Variants in GLIS3 observed in about 807,000 individuals in gnomAD.
GLIS3 encodes GLIS family zinc finger 3, also known as zinc finger protein GLIS3.
A neutral mutation model predicts 78.6 loss-of-function variants in GLIS3; 53 were observed. The ratio of observed to expected loss-of-function variants is 0.67; its 90% CI spans 0.54 to 0.85. The LOEUF (loss-of-function observed/expected upper bound fraction) is 0.85. Among genes scored for constraint, GLIS3 ranks in the 40% least tolerant of loss-of-function variants. The pLI, the probability that GLIS3 is intolerant of heterozygous loss-of-function variation, is 0.00. For missense variants in GLIS3, 1,703 were observed against 1,231.1 expected (o/e 1.38, Z -5.74); for synonymous variants, 684 against 509.9 (o/e 1.34, Z -4.60).
chr9:4,356,814 AG>A, the GLIS3 span, among the ~76,000 whole-genome samples: 3 of 152,228 alleles, frequency 2.0e-5, no homozygotes, highest in African/African-American at 7.2e-5. Context: ...TTGATTACAA[AG>A]CCTTTTGGAT....
intron 2 of GLIS3, among the ~76,000 whole-genome samples, chr9:4,133,054 AT>A (rs1020272644): frequency 2.6e-5 from 4 of 152,198 alleles, no homozygotes; most frequent in African/African-American, 9.7e-5. Flanking sequence ...CCTTGAAAAC[AT>A]TTTTAAAGCT....
intron 4 of GLIS3, among the ~76,000 whole-genome samples, chr9:3,991,512 G>A (rs1450257119): frequency 6.6e-6 from 1 of 151,994 alleles, no homozygotes; most frequent in Non-Finnish European, 1.5e-5. Context: ...AATTAAACAC[G>A]TCTCGGAGTC....
At chr9:4,223,831 G>A (rs1821532359) in intron 2 of GLIS3, among the ~76,000 whole-genome samples, 1 of 152,092 alleles carries the variant, frequency 6.6e-6, no homozygotes, top group African/African-American at 2.4e-5. Flanking sequence ...GAACATCCCA[G>A]GCAGTATAAT....
At chr9:4,397,408 A>T in the GLIS3 span, among the ~76,000 whole-genome samples, 1 of 151,606 alleles carries the variant, frequency 6.6e-6, no homozygotes, top group Non-Finnish European at 1.5e-5. Flanking sequence ...CCAACACATT[A>T]TTGTTCTTTG....
intron 4 of GLIS3, among the ~76,000 whole-genome samples, chr9:4,010,319 T>C (rs1219542973): frequency 6.6e-6 from 1 of 152,172 alleles, no homozygotes; most frequent in Non-Finnish European, 1.5e-5. Context: ...AGTTGCAATA[T>C]GGGAAGATGA....
intron 2 of GLIS3, among the ~76,000 whole-genome samples, chr9:4,333,900 C>T (rs955265681): frequency 6.6e-6 from 1 of 152,174 alleles, no homozygotes; most frequent in Non-Finnish European, 1.5e-5. Flanking sequence ...AACCACTTTG[C>T]ATTGGGAATT....
At chr9:4,197,962 G>T (rs1421818769) in intron 2 of GLIS3, among the ~76,000 whole-genome samples, 2 of 151,938 alleles carry the variant, frequency 1.3e-5, no homozygotes, top group Non-Finnish European at 2.9e-5. Context: ...GAGACAAAAA[G>T]AAAGAACAAA....
chr9:4,202,451 TA>T (rs745465949), intron 2 of GLIS3, among the ~76,000 whole-genome samples: 4 of 133,796 alleles, frequency 3.0e-5, no homozygotes, highest in African/African-American at 1.2e-4. Flanking sequence ...TAAAATAAAA[TA>T]AAAATAAAAA....
chr9:4,293,239 C>T (rs62541831), intron 1 of GLIS3, among the ~76,000 whole-genome samples: 28,628 of 152,156 alleles, frequency 0.19, 3,234 homozygotes, highest in Non-Finnish European at 0.26. Context: ...CAAACATCTA[C>T]CTATGGAAGA....
At chr9:4,300,458 G>C (rs534232941), upstream of GLIS3, among the ~76,000 whole-genome samples, 2 of 152,242 alleles carry the variant, frequency 1.3e-5, no homozygotes, top group South Asian at 4.1e-4. Context: ...GTGAAAAATG[G>C]CAAAAGGGTT....
upstream of GLIS3, among the ~76,000 whole-genome samples, chr9:4,303,166 C>A (rs4097543): frequency 0.99 from 149,887 of 152,124 alleles, 73,883 homozygotes; most frequent in Non-Finnish European, 1. Flanking sequence ...TCAGATTCCT[C>A]CTCCCACAAA....
chr9:4,225,367 G>A lies in GLIS3; in HGVS notation c.388+60671C>T, dbSNP rs141937678. Among the ~76,000 whole-genome samples the A allele has an allele frequency of 2.0e-5, 3 of 152,236 alleles. No individual in the cohort carries two copies. The East Asian group carries it at 5.8e-4, about 29-fold the overall frequency. On this transcript the variant is annotated intron_variant, in intron 2 of 10. Coordinates refer to ENST00000381971, the MANE Select transcript of GLIS3 (RefSeq NM_001042413.2). ...ATTACTCTTTGGTAATGGAACCTCT[G>A]CATGATGAGAACTAGACAGCCAAGA...
the GLIS3 span, among the ~76,000 whole-genome samples, chr9:4,457,754 G>T: frequency 1.3e-5 from 2 of 151,396 alleles, no homozygotes; most frequent in Non-Finnish European, 2.9e-5. Flanking sequence ...GGAGGCTGAG[G>T]CAGAAGAATC....
At chr9:4,457,297 G>T in the GLIS3 span, among the ~76,000 whole-genome samples, 2 of 151,670 alleles carry the variant, frequency 1.3e-5, no homozygotes, top group Admixed American at 6.6e-5. Flanking sequence ...GCAAGTCATG[G>T]CTTCAATAAG....
At chr9:3,975,228 G>A (rs1818679012) in intron 4 of GLIS3, 1 of 152,182 alleles carries the variant, frequency 6.6e-6, no homozygotes, top group South Asian at 2.1e-4. Context: ...CAGCCAAGAA[G>A]ATTCTCAACA....
intron 2 of GLIS3, among the ~76,000 whole-genome samples, chr9:4,199,685 C>CT (rs976574595): frequency 7.2e-5 from 11 of 151,934 alleles, no homozygotes; most frequent in African/African-American, 2.7e-4. Flanking sequence ...ACAAAAAAGA[C>CT]TTAGAGAGCA....
intron 4 of GLIS3, among the ~76,000 whole-genome samples, chr9:4,078,309 C>G (rs1262161465): frequency 6.6e-6 from 1 of 152,128 alleles, no homozygotes; most frequent in Non-Finnish European, 1.5e-5. Context: ...CCCTACCTGC[C>G]TGGCCCCATT....
chr9:4,210,101 T>C (rs1029479202), intron 2 of GLIS3, among the ~76,000 whole-genome samples: 1 of 152,204 alleles, frequency 6.6e-6, no homozygotes, highest in Non-Finnish European at 1.5e-5. Flanking sequence ...CCATTGAGTA[T>C]TTACTGAATA....
intron 4 of GLIS3, among the ~76,000 whole-genome samples, chr9:3,982,220 T>C (rs559262330): frequency 6.6e-6 from 1 of 152,236 alleles, no homozygotes; most frequent in South Asian, 2.1e-4. Context: ...TCTGTTTTTT[T>C]TTTTCCTACA....
Sources: allele counts gnomAD v4.1 joint callset (sites outside exome capture counted in the v4.1 genomes callset), GRCh38; gene constraint gnomAD v4.1.1; transcripts MANE v1.5; gene names NCBI Gene and HGNC (gene_info 2026-07-23, HGNC 2026-07-21).